The following MAPKAPK2 variants were observed in gnomAD, a reference collection of about 807,000 sequenced individuals.
MAPKAPK2 encodes the protein MAPK activated protein kinase 2, also known as MAP kinase-activated protein kinase 2.
MAPKAPK2 carries 9 observed loss-of-function variants against 48.8 expected under a neutral mutation model. The observed-to-expected ratio is 0.18, with a 90% confidence interval of 0.11 to 0.32. MAPKAPK2 has a LOEUF of 0.32. MAPKAPK2 is among the 10% of genes least tolerant of loss of function. The pLI is 1.00. For synonymous variants in MAPKAPK2, 202 were observed against 190.6 expected (o/e 1.06, Z -0.49); for missense variants, 331 against 498.3 (o/e 0.66, Z 3.20).
In MAPKAPK2 at chr1:206,731,490, C is replaced by T. The variant is rs1673909557; in HGVS notation, c.893-150C>T. On this transcript the variant is annotated intron_variant, in intron 7 of 9. Transcript: ENST00000367103. The surrounding 1 kb of genome is among the most constrained non-coding windows in gnomAD (Gnocchi z 5.9). ...GCTGTGCAGGGCCTCTCAAGTGGTA[C>T]AGCCGTAATGGTCCTTGGGGCCAGT... 9.4e-7 allele frequency: 1 copy of T among 1,069,518 alleles called. No homozygotes were observed. Among genetic ancestry groups the T allele is most frequent in the East Asian group, 2.4e-5 (1 of 41,166 alleles). 66.3% of individuals were successfully genotyped at this position (1,069,518 alleles called of 1,614,324 possible).
intron 1 of MAPKAPK2, among the ~76,000 whole-genome samples, chr1:206,726,372 G>GC (rs782763037): frequency 8.5e-5 from 13 of 152,252 alleles, no homozygotes; most frequent in Non-Finnish European, 1.5e-4. Context: ...GGGCAACAGA[G>GC]CGAGACCCTG....
chr1:206,709,369 C>G (rs1673067663), intron 1 of MAPKAPK2, among the ~76,000 whole-genome samples: 1 of 152,138 alleles, frequency 6.6e-6, no homozygotes, highest in Non-Finnish European at 1.5e-5. Flanking sequence ...AGATGTGTTG[C>G]CCAGAACTGA....
intron 1 of MAPKAPK2, among the ~76,000 whole-genome samples, chr1:206,697,336 G>A (rs1672663175): frequency 6.6e-6 from 1 of 152,198 alleles, no homozygotes; most frequent in Admixed American, 6.5e-5. Context: ...CACTGTATTA[G>A]TCCATTTTGT....
intron 1 of MAPKAPK2, among the ~76,000 whole-genome samples, chr1:206,703,839 G>A (rs1672869901): frequency 6.6e-6 from 1 of 152,230 alleles, no homozygotes; most frequent in Non-Finnish European, 1.5e-5. Context: ...TGAAGGCGTT[G>A]TAAGAAACAT....
chr1:206,687,287 G>C (rs895876746), intron 1 of MAPKAPK2, among the ~76,000 whole-genome samples: 4 of 152,194 alleles, frequency 2.6e-5, no homozygotes, highest in African/African-American at 9.7e-5. Flanking sequence ...AAATGCTTTT[G>C]AGTGGCAATT....
chr1:206,731,678 A>C lies in MAPKAPK2; in HGVS notation c.931A>C (p.Thr311Pro). Residue 311 changes from threonine (T) to proline (P), a missense_variant, in exon 8 of 10, where the codon ACC becomes CCC. Thr to Pro is a conservative substitution (Grantham distance 38). Coordinates refer to ENST00000367103, the MANE Select transcript of MAPKAPK2 (RefSeq NM_032960.4). This position sits in a 1 kb window ranked among gnomAD's most constrained non-coding sequence, Gnocchi z 5.9. ...TCGGAATCTGCTGAAAACAGAGCCCACCCAGAGAATGACCATCACCGAGTT... is the reference window on the plus strand; with the variant it reads ...TCGGAATCTGCTGAAAACAGAGCCCCCCCAGAGAATGACCATCACCGAGTT... ...LIRNLLKTEP[T>P]QRMTITEFMN... 1 of 1,614,012 alleles carries C rather than the reference A, an allele frequency of 6.2e-7. No individual in the cohort carries two copies. The highest frequency in any genetic ancestry group is 8.5e-7 in the Non-Finnish European group (1 of 1,179,990).
At chr1:206,730,438 C>T (rs531426967) in intron 5 of MAPKAPK2, among the ~76,000 whole-genome samples, 180 of 152,336 alleles carry the variant, frequency 1.2e-3, no homozygotes, top group Non-Finnish European at 2.1e-3. Flanking sequence ...ATTAAATGAA[C>T]GGCATGGGCC....
chr1:206,731,601 G>T lies in MAPKAPK2; in HGVS notation c.893-39G>T. ...GGGAAAGGAGCAGGCCAGGGAGAGT[G>T]ACCCCTGAGCTGTCACTGCCCCCTG... On this transcript the variant is annotated intron_variant, in intron 7 of 9. Coordinates refer to ENST00000367103, the MANE Select transcript of MAPKAPK2 (RefSeq NM_032960.4). This position sits in a 1 kb window ranked among gnomAD's most constrained non-coding sequence, Gnocchi z 5.9. 2 of 1,514,598 alleles carry T rather than the reference G, an allele frequency of 1.3e-6. No homozygotes were observed. The highest frequency in any genetic ancestry group is 1.1e-5 in the South Asian group (1 of 89,072). 93.8% of individuals were successfully genotyped at this position (1,514,598 alleles called of 1,614,324 possible). A position where few individuals can be genotyped will look rare whatever the true frequency, so the allele number is the denominator to read the frequency against.
intron 1 of MAPKAPK2, among the ~76,000 whole-genome samples, chr1:206,712,972 A>ACACACACG (rs1553429762): frequency 8.0e-5 from 12 of 149,676 alleles, no homozygotes; most frequent in African/African-American, 2.7e-4. Flanking sequence ...TCACACACAC[A>ACACACACG]CACACACACA....
intron 1 of MAPKAPK2, among the ~76,000 whole-genome samples, chr1:206,690,592 A>G (rs1286895844): frequency 6.6e-6 from 1 of 152,182 alleles, no homozygotes; most frequent in Admixed American, 6.5e-5. Flanking sequence ...GATTTTTCTT[A>G]TGAAGCAGGT....
intron 1 of MAPKAPK2, among the ~76,000 whole-genome samples, chr1:206,717,735 C>T (rs559534084): frequency 6.6e-6 from 1 of 152,336 alleles, no homozygotes; most frequent in African/African-American, 2.4e-5. Context: ...CTGTCACTGT[C>T]TCAGGCCAGG....
At chr1:206,712,785 G>T (rs1216390997) in intron 1 of MAPKAPK2, among the ~76,000 whole-genome samples, 2 of 151,898 alleles carry the variant, frequency 1.3e-5, no homozygotes, top group Non-Finnish European at 2.9e-5. Context: ...GGCCAATGTG[G>T]TGAAACCCCA....
intron 1 of MAPKAPK2, among the ~76,000 whole-genome samples, chr1:206,691,933 A>G (rs1672473752): frequency 6.6e-6 from 1 of 152,220 alleles, no homozygotes; most frequent in Non-Finnish European, 1.5e-5. Context: ...AAAGTGTTCT[A>G]TGCTGGTGAC....
intron 1 of MAPKAPK2, chr1:206,695,897 CTG>C: frequency 1.7e-6 from 1 of 599,386 alleles, no homozygotes; most frequent in Non-Finnish European, 3.0e-6. Context: ...CGTCCTCAAT[CTG>C]TCCGATCTTC....
At chr1:206,724,223 C>T (rs1553431635) in intron 1 of MAPKAPK2, among the ~76,000 whole-genome samples, 3 of 152,262 alleles carry the variant, frequency 2.0e-5, no homozygotes, top group Admixed American at 6.5e-5. Flanking sequence ...GACCTGCCGC[C>T]TCGCTCTGCT....
chr1:206,721,354 G>T (rs1245108663), intron 1 of MAPKAPK2, among the ~76,000 whole-genome samples: 1 of 152,104 alleles, frequency 6.6e-6, no homozygotes, highest in African/African-American at 2.4e-5. Context: ...CCAGTCTCAG[G>T]TATTTCTTAA....
intron 1 of MAPKAPK2, among the ~76,000 whole-genome samples, chr1:206,713,254 G>T (rs1673216883): frequency 6.6e-6 from 1 of 152,194 alleles, no homozygotes; most frequent in African/African-American, 2.4e-5. Context: ...GGCTGACTCT[G>T]CCTGGAAGTG....
chr1:206,701,711 A>G (rs549441442), intron 1 of MAPKAPK2, among the ~76,000 whole-genome samples: 6 of 151,394 alleles, frequency 4.0e-5, no homozygotes, highest in African/African-American at 1.5e-4. Context: ...GCGTACACAC[A>G]TGGTTCGATC....
At chr1:206,712,494 T>TTG (rs1553429658) in intron 1 of MAPKAPK2, among the ~76,000 whole-genome samples, 145 of 152,074 alleles carry the variant, frequency 9.5e-4, no homozygotes, top group Middle Eastern at 3.4e-3. Context: ...GATGGGTTTT[T>TTG]TTGTTGTTGT....
Sources: allele counts gnomAD v4.1 joint callset (sites outside exome capture counted in the v4.1 genomes callset), GRCh38; gene constraint gnomAD v4.1.1; non-coding constraint Gnocchi (gnomAD v3.1); transcripts MANE v1.5; gene names NCBI Gene and HGNC (gene_info 2026-07-23, HGNC 2026-07-21).